Variants in THSD7A observed in about 807,000 individuals in gnomAD.
THSD7A encodes the protein thrombospondin type 1 domain containing 7A.
In THSD7A, 96 loss-of-function variants were observed where a neutral mutation model predicts 231.3. The observed-to-expected ratio is 0.41, with a 90% CI of 0.35 to 0.49. The LOEUF is 0.49. Among genes scored for constraint, THSD7A ranks in the 20% least tolerant of loss-of-function variants. The probability of loss-of-function intolerance (pLI) is 0.05; values close to 1 mark genes in which losing one functional copy is unlikely to be tolerated. For missense variants in THSD7A, 2,290 were observed against 2,070.2 expected (o/e 1.11, Z -2.06); for synonymous variants, 940 against 743.3 (o/e 1.26, Z -4.30).
At chr7:11,810,963 C>A (rs1450074922) in intron 1 of THSD7A, among the ~76,000 whole-genome samples, 1 of 152,040 alleles carries the variant, frequency 6.6e-6, no homozygotes, top group Non-Finnish European at 1.5e-5. Flanking sequence ...AAATTTTTTC[C>A]CAGAATTTCC....
intron 23 of THSD7A, among the ~76,000 whole-genome samples, chr7:11,388,621 T>G (rs894579867): frequency 6.6e-6 from 1 of 152,240 alleles, no homozygotes; most frequent in African/African-American, 2.4e-5. Context: ...ATCTATTTTG[T>G]TGATCTTTTC....
intron 1 of THSD7A, among the ~76,000 whole-genome samples, chr7:11,782,184 C>A (rs1206985023): frequency 6.6e-6 from 1 of 152,134 alleles, no homozygotes; most frequent in Non-Finnish European, 1.5e-5. Context: ...ATCTGTTCTG[C>A]AGCACTTCAT....
In THSD7A at chr7:11,814,354, G is replaced by A. The variant is rs1259017962; in HGVS notation, c.190+17403C>T. On this transcript the variant is annotated intron_variant, in intron 1 of 27. Transcript: ENST00000423059. This position sits in a 1 kb window ranked among gnomAD's most constrained non-coding sequence, Gnocchi z 5.1. ...AGTATTCAGCACGTGACAAACAAAGGAGATTCATCTCATTTATAATAACAT... is the reference window on the plus strand; with the variant it reads ...AGTATTCAGCACGTGACAAACAAAGAAGATTCATCTCATTTATAATAACAT... Among the ~76,000 whole-genome samples, 1 of 152,092 alleles carries A rather than the reference G, an allele frequency of 6.6e-6. No individual in the cohort carries two copies. Among genetic ancestry groups the A allele is most frequent in the Non-Finnish European group, 1.5e-5 (1 of 68,004 alleles).
intron 26 of THSD7A, 191 bp from the exon 27 acceptor site, chr7:11,376,848 G>T: frequency 2.5e-6 from 1 of 400,588 alleles, no homozygotes; most frequent in African/African-American, 2.0e-5. Flanking sequence ...TTAAAGATAA[G>T]CTATCAAGGA....
intron 1 of THSD7A, among the ~76,000 whole-genome samples, chr7:11,734,643 C>G (rs935608713): frequency 1.3e-5 from 2 of 151,908 alleles, no homozygotes; most frequent in Non-Finnish European, 2.9e-5. Context: ...TGTCTTAGAA[C>G]ATTGTTAATG....
intron 16 of THSD7A, among the ~76,000 whole-genome samples, chr7:11,422,373 A>T (rs1386216052): frequency 6.6e-6 from 1 of 152,158 alleles, no homozygotes; most frequent in Non-Finnish European, 1.5e-5. Flanking sequence ...CAACACTTGC[A>T]TTCAAGCAGG....
At chr7:11,510,712 C>G (rs1032513315) in intron 6 of THSD7A, among the ~76,000 whole-genome samples, 2 of 152,092 alleles carry the variant, frequency 1.3e-5, no homozygotes, top group Non-Finnish European at 2.9e-5. Flanking sequence ...AGGCCTTCGA[C>G]AAAATTCAAC....
At chr7:11,766,371 T>C (rs1192373531) in intron 1 of THSD7A, among the ~76,000 whole-genome samples, 1 of 152,166 alleles carries the variant, frequency 6.6e-6, no homozygotes, top group African/African-American at 2.4e-5. Context: ...ACTAGAATTT[T>C]GCAAAATGTA....
At chr7:11,532,014 A>C (rs964653955) in intron 6 of THSD7A, among the ~76,000 whole-genome samples, 7 of 152,144 alleles carry the variant, frequency 4.6e-5, no homozygotes, top group African/African-American at 1.7e-4. Context: ...AATGTGGCAG[A>C]AGTGGTCTTA....
At chr7:11,735,931 G>A (rs985224433) in intron 1 of THSD7A, among the ~76,000 whole-genome samples, 3 of 151,692 alleles carry the variant, frequency 2.0e-5, no homozygotes, top group African/African-American at 7.3e-5. Context: ...CAATACTACT[G>A]GATGTACTGT....
intron 1 of THSD7A, among the ~76,000 whole-genome samples, chr7:11,786,866 A>T (rs183991720): frequency 6.6e-6 from 1 of 152,154 alleles, no homozygotes; most frequent in African/African-American, 2.4e-5. Flanking sequence ...AACATCAAAC[A>T]AATTATACAT....
intron 9 of THSD7A, among the ~76,000 whole-genome samples, chr7:11,465,621 A>G (rs1785671375): frequency 6.6e-6 from 1 of 152,096 alleles, no homozygotes; most frequent in South Asian, 2.1e-4. Flanking sequence ...GAAGCAGTAC[A>G]GTAATAGGAA....
intron 16 of THSD7A, among the ~76,000 whole-genome samples, chr7:11,418,241 C>A (rs139148166): frequency 1.3e-3 from 203 of 152,246 alleles, no homozygotes; most frequent in African/African-American, 4.6e-3. Context: ...TAATTGGTAT[C>A]GCATAGGTTC....
intron 2 of THSD7A, among the ~76,000 whole-genome samples, chr7:11,610,483 G>A (rs1191725428): frequency 6.6e-6 from 1 of 152,090 alleles, no homozygotes; most frequent in African/African-American, 2.4e-5. Flanking sequence ...TACAGTTGAT[G>A]AGATAGAGTT....
chr7:11,556,802 T>C (rs1488023623), intron 4 of THSD7A, among the ~76,000 whole-genome samples: 1 of 152,092 alleles, frequency 6.6e-6, no homozygotes, highest in Non-Finnish European at 1.5e-5. Flanking sequence ...TACTTTATTC[T>C]GACCTATATG....
chr7:11,675,807 C>A (rs766003447), intron 1 of THSD7A, among the ~76,000 whole-genome samples: 3 of 152,214 alleles, frequency 2.0e-5, no homozygotes, highest in Admixed American at 6.5e-5. Flanking sequence ...TGGGACAGAG[C>A]AACTGAGGTA....
At chr7:11,649,213 G>T (rs1021016461) in intron 1 of THSD7A, among the ~76,000 whole-genome samples, 6 of 151,994 alleles carry the variant, frequency 3.9e-5, no homozygotes, top group Admixed American at 6.6e-5. Context: ...GAGACCTCCT[G>T]CCAGCAACCA....
chr7:11,676,173 G>T (rs1037977135), intron 1 of THSD7A, among the ~76,000 whole-genome samples: 6 of 152,156 alleles, frequency 3.9e-5, no homozygotes, highest in African/African-American at 1.2e-4. Flanking sequence ...CAGAAGAGGG[G>T]CCTGACTGTT....
At chr7:11,585,482 C>T (rs980217223) in intron 4 of THSD7A, among the ~76,000 whole-genome samples, 2 of 152,138 alleles carry the variant, frequency 1.3e-5, no homozygotes, top group Admixed American at 1.3e-4. Flanking sequence ...ACTCATTTCT[C>T]CATAGGCTAA....
Sources: allele counts gnomAD v4.1 joint callset (sites outside exome capture counted in the v4.1 genomes callset), GRCh38; gene constraint gnomAD v4.1.1; non-coding constraint Gnocchi (gnomAD v3.1); transcripts MANE v1.5; gene names NCBI Gene and HGNC (gene_info 2026-07-23, HGNC 2026-07-21).